The following OPCML variants were observed in gnomAD, a reference collection of about 807,000 sequenced individuals.
The protein encoded by OPCML is opioid-binding protein/cell adhesion molecule.
OPCML carries 13 observed loss-of-function variants against 37.8 expected under a neutral mutation model. The observed-to-expected ratio is 0.34, with a 90% CI of 0.22 to 0.55. OPCML has a LOEUF of 0.55. Ranked by LOEUF, OPCML falls within the 20% of genes least tolerant of loss-of-function variation. The pLI, the probability that OPCML is intolerant of heterozygous loss-of-function variation, is 0.91. For synonymous variants in OPCML, 176 were observed against 168.8 expected (o/e 1.04, Z -0.33); for missense variants, 341 against 435.6 (o/e 0.78, Z 1.93).
chr11:132,618,725 T>G (rs1939188461), intron 3 of OPCML, among the ~76,000 whole-genome samples: 1 of 152,190 alleles, frequency 6.6e-6, no homozygotes, highest in African/African-American at 2.4e-5. Flanking sequence ...TGTACAGTTT[T>G]GTGGCATTAA....
chr11:132,793,078 C>A (rs1938043331), intron 2 of OPCML, among the ~76,000 whole-genome samples: 1 of 152,146 alleles, frequency 6.6e-6, no homozygotes, highest in Admixed American at 6.5e-5. Context: ...CGGGGCGCCT[C>A]CGGCCCCATC....
At chr11:132,462,402 T>C (rs1186780844) in intron 4 of OPCML, among the ~76,000 whole-genome samples, 2 of 152,142 alleles carry the variant, frequency 1.3e-5, no homozygotes, top group South Asian at 2.1e-4. Context: ...ACCTGTGAAA[T>C]TGAAAACTTC....
intron 1 of OPCML, among the ~76,000 whole-genome samples, chr11:132,958,975 A>G (rs1946027010): frequency 6.6e-6 from 1 of 152,242 alleles, no homozygotes. Context: ...CAACTTTCAA[A>G]TTTTATTATT....
chr11:133,465,708 C>T (rs1307661628), intron 1 of OPCML, among the ~76,000 whole-genome samples: 1 of 152,142 alleles, frequency 6.6e-6, no homozygotes, highest in East Asian at 1.9e-4. Context: ...CCAGTTCCTC[C>T]ACTCGTTAGC....
chr11:132,991,047 A>G lies in OPCML; in HGVS notation c.62-48037T>C, dbSNP rs184045885. On this transcript the variant is annotated intron_variant, in intron 1 of 7. Transcript: ENST00000524381. ...TTAGACTTGACCCGCTAAGCAAACC[A>G]TAATTCTGACCTAATTCTCTGACAT... Among the ~76,000 whole-genome samples the G allele has an allele frequency of 2.7e-3, 411 of 152,342 alleles. 3 individuals are homozygous for G. Among genetic ancestry groups the G allele is most frequent in the African/African-American group, 9.3e-3 (388 of 41,578 alleles).
Position 133,291,259 on chromosome 11 carries a change from C to T in OPCML, c.61+241005G>A, listed in dbSNP as rs7115300. Among the ~76,000 whole-genome samples the T allele has an allele frequency of 4.2e-3, 643 of 152,308 alleles. 6 individuals carry two copies. Among genetic ancestry groups the T allele is most frequent in the African/African-American group, 0.013 (541 of 41,568 alleles). On this transcript the variant is annotated intron_variant, in intron 1 of 7. Transcript: ENST00000524381. The stretch of plus-strand genomic sequence containing the variant: ...GTTTGTTTTATAAACTTCTTTGAAG[C>T]TGTTTCATCATCTCCAAAATCATGA...
At chr11:132,592,776 C>T (rs1003841187) in intron 3 of OPCML, among the ~76,000 whole-genome samples, 3 of 152,184 alleles carry the variant, frequency 2.0e-5, no homozygotes, top group Non-Finnish European at 4.4e-5. Context: ...GGAAGACCCA[C>T]CAAAATCACA....
intron 3 of OPCML, among the ~76,000 whole-genome samples, chr11:132,532,708 G>C (rs764467164): frequency 6.6e-6 from 1 of 152,066 alleles, no homozygotes; most frequent in Admixed American, 6.5e-5. Context: ...TCCCCTCCCA[G>C]TACCTGCCAT....
chr11:133,501,243 T>G (rs1591572324), intron 1 of OPCML, among the ~76,000 whole-genome samples: 1 of 152,160 alleles, frequency 6.6e-6, no homozygotes, highest in East Asian at 1.9e-4. Context: ...AACTGTGTGC[T>G]CCCTCCAGGG....
chr11:132,584,069 T>C lies in OPCML; in HGVS notation c.380-54883A>G, dbSNP rs994941850. Among the ~76,000 whole-genome samples the C allele has an allele frequency of 5.1e-4, 77 of 152,062 alleles. 1 individual carries two copies. Among genetic ancestry groups the C allele is most frequent in the African/African-American group, 1.8e-3 (73 of 41,468 alleles). ...AAAATCAAAAAAAGTAACTTGACAA[T>C]ATAGAAGACAAGATTTTAAAAAAAA... On this transcript the variant is annotated intron_variant, in intron 3 of 7. Transcript: ENST00000524381.
At chr11:132,553,281 A>G (rs995166767) in intron 3 of OPCML, among the ~76,000 whole-genome samples, 5 of 152,196 alleles carry the variant, frequency 3.3e-5, no homozygotes, top group Non-Finnish European at 7.3e-5. Context: ...TGGCTTATGG[A>G]TCAGAACTGA....
chr11:133,217,951 G>A (rs1026996556), intron 1 of OPCML, among the ~76,000 whole-genome samples: 8 of 151,932 alleles, frequency 5.3e-5, no homozygotes, highest in African/African-American at 1.2e-4. Context: ...GAGGCTGAGC[G>A]GGGAGGATGG....
At chr11:132,707,190 G>C (rs908401646) in intron 2 of OPCML, among the ~76,000 whole-genome samples, 13 of 152,184 alleles carry the variant, frequency 8.5e-5, no homozygotes, top group Non-Finnish European at 1.8e-4. Flanking sequence ...TAATAAAATA[G>C]ATGATGCACT....
chr11:133,532,398 G>A lies in OPCML; in HGVS notation c.-74C>T. ...GCTGCTACCGCTGCTGCCTTCCTCTGTGCTGAATTCTGAGCAGGTTTAAAT... is the reference window on the plus strand; with the variant it reads ...GCTGCTACCGCTGCTGCCTTCCTCTATGCTGAATTCTGAGCAGGTTTAAAT... On this transcript the variant is annotated 5_prime_UTR_variant, in exon 1 of 8. Transcript: ENST00000524381. 1 of 1,550,132 alleles carries A rather than the reference G, an allele frequency of 6.5e-7. No individual in the cohort carries two copies. The highest frequency in any genetic ancestry group is 8.8e-7 in the Non-Finnish European group (1 of 1,135,734).
chr11:132,505,600 T>G (rs1279377812), intron 4 of OPCML, among the ~76,000 whole-genome samples: 1 of 152,152 alleles, frequency 6.6e-6, no homozygotes, highest in African/African-American at 2.4e-5. Context: ...TAGTTAGATA[T>G]GGAGAGCAAG....
In OPCML at chr11:133,271,864, C is replaced by T. The variant is rs371319541; in HGVS notation, c.61+260400G>A. Among the ~76,000 whole-genome samples the T allele has an allele frequency of 1.0e-3, 155 of 152,286 alleles. 6 individuals carry two copies. The highest frequency in any genetic ancestry group is 3.5e-3 in the African/African-American group (146 of 41,574). ...CAAAATTCGATGAGCACTTAGTATG[C>T]ACTCGGCAGGATGCTCAATCCAAGG... On this transcript the variant is annotated intron_variant, in intron 1 of 7. Transcript: ENST00000524381.
chr11:132,827,530 C>T (rs558954355), intron 2 of OPCML, among the ~76,000 whole-genome samples: 1 of 152,334 alleles, frequency 6.6e-6, no homozygotes, highest in African/African-American at 2.4e-5. Flanking sequence ...CATACTCTTA[C>T]TGTATAATCC....
At chr11:133,061,944 T>C (rs980954598) in intron 1 of OPCML, among the ~76,000 whole-genome samples, 1 of 152,120 alleles carries the variant, frequency 6.6e-6, no homozygotes, top group African/African-American at 2.4e-5. Context: ...ATGGAAACTT[T>C]TGAGGAAGCC....
At chr11:132,811,063 T>A (rs1939311269) in intron 2 of OPCML, among the ~76,000 whole-genome samples, 1 of 152,164 alleles carries the variant, frequency 6.6e-6, no homozygotes. Context: ...ATAAGCAACA[T>A]CTGGCACATT....
Sources: allele counts gnomAD v4.1 joint callset (sites outside exome capture counted in the v4.1 genomes callset), GRCh38; gene constraint gnomAD v4.1.1; transcripts MANE v1.5; gene names NCBI Gene and HGNC (gene_info 2026-07-23, HGNC 2026-07-21).